The following TUBGCP4 variants were observed in gnomAD, a reference collection of about 807,000 sequenced individuals.
The protein encoded by TUBGCP4 is gamma-tubulin complex component 4.
Under a neutral mutation model 91.6 loss-of-function variants are expected in TUBGCP4, and 54 were observed. The ratio of observed to expected loss-of-function variants is 0.59; its 90% confidence interval spans 0.47 to 0.74. The LOEUF (loss-of-function observed/expected upper bound fraction) is 0.74. Ranked by LOEUF, TUBGCP4 falls within the 30% of genes least tolerant of loss-of-function variation. The probability of loss-of-function intolerance (pLI) is 0.00; values close to 1 mark genes in which losing one functional copy is unlikely to be tolerated. For missense variants in TUBGCP4, 593 were observed against 800.9 expected (o/e 0.74, Z 3.13); for synonymous variants, 297 against 302.8 (o/e 0.98, Z 0.20).
intron 5 of TUBGCP4, among the ~76,000 whole-genome samples, chr15:43,378,552 G>A (rs1047337161): frequency 5.9e-5 from 9 of 152,156 alleles, no homozygotes; most frequent in African/African-American, 2.2e-4. Context: ...TTGTGCCTTA[G>A]CTTATTAGGG....
In TUBGCP4 at chr15:43,407,172, G is replaced by A. The variant is rs1204800672; in HGVS notation, c.*1958G>A. On this transcript the variant is annotated 3_prime_UTR_variant, in exon 18 of 18. Transcript: ENST00000564079. Reference sequence around the variant, plus strand: ...GAGAAAGTACTATGTCTTGTCATTTGTTCTGAGATTAAGCTCAAAAAAACA... The same window carrying A: ...GAGAAAGTACTATGTCTTGTCATTTATTCTGAGATTAAGCTCAAAAAAACA... 1.8e-6 allele frequency: 1 copy of A among 545,432 alleles called. No homozygotes were observed. The highest frequency in any genetic ancestry group is 3.3e-6 in the Non-Finnish European group (1 of 305,426). The allele number at this position is 545,432 out of a possible 1,614,324, so 33.8% of individuals were successfully genotyped here.
chr15:43,403,349 A>G (rs1485092556), intron 15 of TUBGCP4: 2 of 192,336 alleles, frequency 1.0e-5, no homozygotes, highest in African/African-American at 4.7e-5. Flanking sequence ...ATTAAAAACA[A>G]GAGCATCCCG....
In TUBGCP4 at chr15:43,386,345, GTA is replaced by G. The variant is rs542775386; in HGVS notation, c.1014+47_1014+48del. ...CTGTGGCTGAGGTTTGTGTTTCATC[GTA>G]TATATATATATATATATATATATAT... On this transcript the variant is annotated intron_variant, in intron 9 of 17. Coordinates refer to ENST00000564079, the MANE Select transcript of TUBGCP4 (RefSeq NM_014444.5). 426 of 317,646 alleles carry G rather than the reference GTA, an allele frequency of 1.3e-3. 13 individuals are homozygous for G. The highest frequency in any genetic ancestry group is 2.8e-3 in the East Asian group (34 of 12,092). The allele number at this position is 317,646 out of a possible 1,614,324, so 19.7% of individuals were successfully genotyped here.
chr15:43,397,398 C>T (rs2142865471), intron 12 of TUBGCP4, 77 bp downstream of exon 12: 3 of 1,029,764 alleles, frequency 2.9e-6, no homozygotes, highest in Middle Eastern at 2.0e-4. Context: ...CCATCCCCCG[C>T]CACAGAAACC....
At position 43,393,367 on chromosome 15, in the gene TUBGCP4, G is replaced by T. The variant is rs1421964066; in HGVS notation, c.1015-1740G>T. Among the ~76,000 whole-genome samples the T allele has an allele frequency of 3.3e-5, 5 of 151,468 alleles. No homozygotes were observed. The East Asian group carries it at 5.8e-4, about 18-fold the overall frequency. On this transcript the variant is annotated intron_variant, in intron 9 of 17. Transcript: ENST00000564079. ...TGGGATTACAGGCACCCGCCACCAC[G>T]CCCAGCCAGTTTTTTGTATTTTTAG...
intron 14 of TUBGCP4, 50 bp from the exon 15 acceptor site, chr15:43,401,666 C>T (rs763439975): frequency 3.8e-6 from 6 of 1,593,674 alleles, no homozygotes; most frequent in East Asian, 2.2e-5. Context: ...TTAATGTCTT[C>T]GAGTGCTTAG....
Position 43,407,151 on chromosome 15 carries a change from A to C in TUBGCP4, c.*1937A>C. ...ATAAGCCTGTTGAAAGACTCAGAGA[A>C]AGTACTATGTCTTGTCATTTGTTCT... On this transcript the variant is annotated 3_prime_UTR_variant, in exon 18 of 18. Transcript: ENST00000564079. 1 of 476,836 alleles carries C rather than the reference A, an allele frequency of 2.1e-6. No homozygotes were observed. Among genetic ancestry groups the C allele is most frequent in the East Asian group, 3.5e-5 (1 of 28,788 alleles). 29.5% of individuals were successfully genotyped at this position (476,836 alleles called of 1,614,324 possible). A position where few individuals can be genotyped will look rare whatever the true frequency, so the allele number is the denominator to read the frequency against.
rs933858154 is a variant in TUBGCP4, at chr15:43,371,175, C to T, written c.-180C>T. 9.7e-5 allele frequency: 63 copies of T among 649,724 alleles called. 1 individual carries two copies. In the South Asian group the frequency reaches 1.1e-3, roughly 11 times the overall value. The allele number at this position is 649,724 out of a possible 1,614,324, so 40.2% of individuals were successfully genotyped here. On this transcript the variant is annotated 5_prime_UTR_variant, in exon 1 of 18. Coordinates refer to ENST00000564079, the MANE Select transcript of TUBGCP4 (RefSeq NM_014444.5). ...CCGAACTTCCGGGACTCCCCCGCGA[C>T]CCCTTCCCAGCTTCCCGTCCGCTCC...
intron 7 of TUBGCP4, among the ~76,000 whole-genome samples, chr15:43,384,615 G>T (rs974802410): frequency 2.6e-5 from 4 of 152,154 alleles, no homozygotes; most frequent in African/African-American, 9.6e-5. Flanking sequence ...GTGAGGGAGA[G>T]GTGGTACTTG....
At position 43,403,703 on chromosome 15, in the gene TUBGCP4, A is replaced by C; in HGVS notation, c.1752A>C (p.Glu584Asp). ...GGTAGGTGTTTCACTGCCTGAATGA[A>C]ATCCTAGATCTCTGTCACAGTTTTT... ...LLKPVFHCLN[E>D]ILDLCHSFCS... is the part of the protein sequence containing the mutation. Residue 584 changes from glutamate (E) to aspartate (D), a missense_variant, in exon 16 of 18, where the codon GAA (glutamate) becomes GAC (aspartate). By Grantham distance (45) the Glu-to-Asp change is conservative (BLOSUM62 2). Coordinates refer to ENST00000564079, the MANE Select transcript of TUBGCP4 (RefSeq NM_014444.5). 1 of 1,612,762 alleles carries C rather than the reference A, an allele frequency of 6.2e-7. No individual in the cohort carries two copies. The highest frequency in any genetic ancestry group is 8.5e-7 in the Non-Finnish European group (1 of 1,179,828).
chr15:43,404,286 G>C (rs1171116230), intron 16 of TUBGCP4, 127 bp from the exon 17 acceptor site: 2 of 1,116,884 alleles, frequency 1.8e-6, no homozygotes, highest in African/African-American at 3.1e-5. Flanking sequence ...AGGAATGTGG[G>C]AAGGCCAGGT....
chr15:43,407,706 G>A lies in TUBGCP4; in HGVS notation c.*2492G>A, dbSNP rs2044957179. On this transcript the variant is annotated 3_prime_UTR_variant, in exon 18 of 18. Coordinates refer to ENST00000564079, the MANE Select transcript of TUBGCP4 (RefSeq NM_014444.5). ...CTATTATGTCAAACACACTGCTACT[G>A]ATCATGACCAAAGGCAGAGTTATAA... 2 of 875,740 alleles carry A rather than the reference G, an allele frequency of 2.3e-6. No individual in the cohort carries two copies. The highest frequency in any genetic ancestry group is 1.8e-5 in the South Asian group (1 of 54,546). The allele number at this position is 875,740 out of a possible 1,614,324, so 54.2% of individuals were successfully genotyped here.
At chr15:43,373,488 C>T (rs1463247611) in intron 1 of TUBGCP4, among the ~76,000 whole-genome samples, 5 of 152,162 alleles carry the variant, frequency 3.3e-5, no homozygotes, top group Non-Finnish European at 7.3e-5. Context: ...ATGTGCTTTA[C>T]ACATGTATTA....
Position 43,383,487 on chromosome 15 carries a change from A to C in TUBGCP4, c.706A>C (p.Arg236=). Reference sequence around the variant, plus strand: ...TGGGGGACTGACAGGAAAACAACTGAGAGAACTGCAGGACTTGGTGAGAGC... The same window carrying C: ...TGGGGGACTGACAGGAAAACAACTGCGAGAACTGCAGGACTTGGTGAGAGC... ...GIGGLTGKQL[R]ELQDLRLIEE... The change falls in exon 7 of 18, where the codon AGA becomes CGA. Residue 236 remains arginine (R), a synonymous_variant. Coordinates refer to ENST00000564079, the MANE Select transcript of TUBGCP4 (RefSeq NM_014444.5). 6.2e-7 allele frequency: 1 copy of C among 1,609,520 alleles called. No homozygotes were observed. Among genetic ancestry groups the C allele is most frequent in the Non-Finnish European group, 8.5e-7 (1 of 1,177,868 alleles).
rs757637074 is a variant in TUBGCP4 at position 43,408,493 on chromosome 15, C to T, written c.*3279C>T. 9.2e-5 allele frequency: 24 copies of T among 261,648 alleles called. No homozygotes were observed. Among genetic ancestry groups the T allele is most frequent in the Non-Finnish European group, 1.5e-4 (20 of 134,818 alleles). The allele number at this position is 261,648 out of a possible 1,614,324, so 16.2% of individuals were successfully genotyped here. ...AAGACTTCATCTTAAAAAACTAAGC[C>T]CTATATTAGGGTCCCCCTTCTCTTC... is the stretch of plus-strand genomic sequence containing the variant. On this transcript the variant is annotated 3_prime_UTR_variant, in exon 18 of 18. Transcript: ENST00000564079.
intron 9 of TUBGCP4, among the ~76,000 whole-genome samples, chr15:43,392,075 T>TAC (rs3986231): frequency 0.12 from 16,357 of 132,996 alleles, 1,001 homozygotes; most frequent in African/African-American, 0.18. Flanking sequence ...AAAATAGAGA[T>TAC]ACACACACAC....
intron 1 of TUBGCP4, among the ~76,000 whole-genome samples, chr15:43,375,366 A>T (rs528067870): frequency 1.1e-4 from 17 of 152,242 alleles, no homozygotes; most frequent in Non-Finnish European, 2.4e-4. Context: ...TCTTCATACC[A>T]CTGAACTATA....
rs753425033 is a variant in TUBGCP4, at chr15:43,408,449, C to G, written c.*3235C>G. 1.1e-5 allele frequency: 3 copies of G among 267,804 alleles called. No individual in the cohort carries two copies. Among genetic ancestry groups the G allele is most frequent in the Non-Finnish European group, 2.2e-5 (3 of 138,492 alleles). 16.6% of individuals were successfully genotyped at this position (267,804 alleles called of 1,614,324 possible). ...TAAGTCGTCACTGCGCCACTGTACT[C>G]CAGCCTAGGTGACAGAGCAAGACTT... On this transcript the variant is annotated 3_prime_UTR_variant, in exon 18 of 18. Transcript: ENST00000564079.
At chr15:43,383,845 G>A (rs2044319711) in intron 7 of TUBGCP4, among the ~76,000 whole-genome samples, 1 of 151,922 alleles carries the variant, frequency 6.6e-6, no homozygotes, top group African/African-American at 2.4e-5. Context: ...CCATCGCCCA[G>A]GCTGGAGTGC....
Sources: allele counts gnomAD v4.1 joint callset (sites outside exome capture counted in the v4.1 genomes callset), GRCh38; gene constraint gnomAD v4.1.1; transcripts MANE v1.5; gene names NCBI Gene and HGNC (gene_info 2026-07-23, HGNC 2026-07-21).